NBAS: variants seen among roughly 807,000 people sequenced by gnomAD.
NBAS encodes the protein NBAS subunit of NRZ tethering complex.
NBAS carries 219 observed loss-of-function variants against 302.5 expected under a neutral mutation model. The ratio of observed to expected loss-of-function variants is 0.72; its 90% CI spans 0.65 to 0.81. The LOEUF (loss-of-function observed/expected upper bound fraction) is 0.81. NBAS is among the 30% of genes least tolerant of loss of function. NBAS has a pLI of 0.00. For synonymous variants in NBAS, 1,118 were observed against 1,021.6 expected (o/e 1.09, Z -1.80); for missense variants, 2,932 against 2,841.6 (o/e 1.03, Z -0.72).
At chr2:14,922,424 T>C in the NBAS span, among the ~76,000 whole-genome samples, 2 of 152,200 alleles carry the variant, frequency 1.3e-5, no homozygotes, top group Non-Finnish European at 2.9e-5. Context: ...CAGACATCTC[T>C]TTCCTCATTC....
chr2:14,950,104 C>A, the NBAS span, among the ~76,000 whole-genome samples: 2 of 152,098 alleles, frequency 1.3e-5, no homozygotes, highest in African/African-American at 4.8e-5. Context: ...GATCCTGGTG[C>A]ACCTATCACC....
chr2:15,477,960 C>A (rs1680260068), intron 13 of NBAS, among the ~76,000 whole-genome samples: 1 of 150,792 alleles, frequency 6.6e-6, no homozygotes, highest in Non-Finnish European at 1.5e-5. Flanking sequence ...TTGATCTCAC[C>A]CAAGGGCATC....
Position 15,171,378 on chromosome 2 carries a change from C to T in NBAS, c.6841-4055G>A, listed in dbSNP as rs536328819. Among the ~76,000 whole-genome samples, 10 of 152,264 alleles carry T rather than the reference C, an allele frequency of 6.6e-5. No homozygotes were observed. The South Asian group carries it at 2.1e-3, about 32-fold the overall frequency. On this transcript the variant is annotated intron_variant, in intron 51 of 51. Coordinates refer to ENST00000281513, the MANE Select transcript of NBAS (RefSeq NM_015909.4). ...TCCATGTGCATAGATTTTTTTCCCA[C>T]AATTAATCGTATGATATTTGTATTC...
intron 48 of NBAS, among the ~76,000 whole-genome samples, chr2:15,210,838 G>T (rs1350578254): frequency 6.6e-6 from 1 of 152,178 alleles, no homozygotes; most frequent in Non-Finnish European, 1.5e-5. Context: ...GATGGAACTG[G>T]AGGTCATAAT....
the NBAS span, among the ~76,000 whole-genome samples, chr2:14,969,933 A>G: frequency 3.9e-5 from 6 of 152,200 alleles, no homozygotes; most frequent in Non-Finnish European, 7.3e-5. Context: ...TGCAATAACA[A>G]CCATGGACTC....
At chr2:15,255,095 C>T (rs1668533184) in intron 44 of NBAS, among the ~76,000 whole-genome samples, 1 of 152,162 alleles carries the variant, frequency 6.6e-6, no homozygotes, top group South Asian at 2.1e-4. Context: ...TAGTGGGTTG[C>T]TGGATCAAAT....
At chr2:15,363,431 A>C (rs1328041831) in intron 32 of NBAS, among the ~76,000 whole-genome samples, 2 of 152,202 alleles carry the variant, frequency 1.3e-5, no homozygotes, top group Non-Finnish European at 2.9e-5. Context: ...AAATCTGCTG[A>C]ATGTCTGTGA....
the NBAS span, among the ~76,000 whole-genome samples, chr2:14,841,879 C>T: frequency 6.6e-6 from 1 of 151,924 alleles, no homozygotes; most frequent in South Asian, 2.1e-4. Context: ...CCAACTGTTG[C>T]AGAATACACA....
At chr2:15,327,630 T>C in intron 38 of NBAS, 120 bp downstream of exon 38, 5 of 1,181,166 alleles carry the variant, frequency 4.2e-6, no homozygotes, top group Non-Finnish European at 6.2e-6. Flanking sequence ...GATGTCAAGT[T>C]ATGCAATTCA....
intron 38 of NBAS, among the ~76,000 whole-genome samples, chr2:15,319,270 G>A (rs1031646282): frequency 6.6e-6 from 1 of 152,148 alleles, no homozygotes; most frequent in African/African-American, 2.4e-5. Flanking sequence ...GAACTTTATA[G>A]CACTAAATGC....
intron 32 of NBAS, among the ~76,000 whole-genome samples, chr2:15,357,949 A>G (rs984568383): frequency 1.3e-5 from 2 of 152,174 alleles, no homozygotes; most frequent in Non-Finnish European, 2.9e-5. Flanking sequence ...CTGTGCTCTC[A>G]TGATGTTTGA....
chr2:15,110,879 T>C, the NBAS span, among the ~76,000 whole-genome samples: 3 of 151,954 alleles, frequency 2.0e-5, no homozygotes, highest in African/African-American at 7.2e-5. Flanking sequence ...ACCTCTAACA[T>C]GAAAAACACG....
chr2:15,370,908 C>T (rs964808258), intron 31 of NBAS, among the ~76,000 whole-genome samples: 1 of 152,156 alleles, frequency 6.6e-6, no homozygotes, highest in Non-Finnish European at 1.5e-5. Context: ...TGAGTTAAGA[C>T]TTTGGGGGAC....
chr2:14,937,589 A>T, the NBAS span, among the ~76,000 whole-genome samples: 2 of 152,102 alleles, frequency 1.3e-5, no homozygotes, highest in Non-Finnish European at 2.9e-5. Context: ...GCATTGGGAA[A>T]CATCCTATTT....
At chr2:15,004,143 AT>A in the NBAS span, among the ~76,000 whole-genome samples, 1 of 152,236 alleles carries the variant, frequency 6.6e-6, no homozygotes, top group Non-Finnish European at 1.5e-5. Context: ...CTGGTCACTA[AT>A]AAACTTAGTC....
At chr2:15,312,940 C>A (rs1468182774) in intron 38 of NBAS, among the ~76,000 whole-genome samples, 1 of 152,148 alleles carries the variant, frequency 6.6e-6, no homozygotes, top group African/African-American at 2.4e-5. Flanking sequence ...TTTCAATAGC[C>A]CCCCAATGCT....
At chr2:15,398,090 C>CAT (rs1675957054) in intron 26 of NBAS, among the ~76,000 whole-genome samples, 1 of 149,792 alleles carries the variant, frequency 6.7e-6, no homozygotes, top group South Asian at 2.1e-4. Flanking sequence ...CTCAGTCAGC[C>CAT]GTGTGTGTGT....
At chr2:14,901,752 C>T in the NBAS span, among the ~76,000 whole-genome samples, 16 of 152,176 alleles carry the variant, frequency 1.1e-4, no homozygotes, top group African/African-American at 3.9e-4. Flanking sequence ...CAGCCCACAG[C>T]CCTCACAAGT....
intron 11 of NBAS, among the ~76,000 whole-genome samples, chr2:15,498,338 AT>A (rs1318548977): frequency 1.3e-5 from 2 of 152,212 alleles, no homozygotes; most frequent in Non-Finnish European, 2.9e-5. Context: ...AGTTTAACAG[AT>A]AATTAAAATA....
Sources: gnomAD v4.1 joint callset for allele counts (sites outside exome capture counted in the v4.1 genomes callset) on GRCh38, gnomAD v4.1.1 for gene constraint, MANE v1.5 for transcripts, NCBI Gene and HGNC (gene_info 2026-07-23, HGNC 2026-07-21) for gene names.